Variants in TGFBR3 observed in about 807,000 individuals in gnomAD.
TGFBR3 encodes the protein transforming growth factor beta receptor type 3.
A neutral mutation model predicts 87.9 loss-of-function variants in TGFBR3; 46 were observed. The ratio of observed to expected loss-of-function variants is 0.52; its 90% CI spans 0.41 to 0.67. The LOEUF is 0.67. Among genes scored for constraint, TGFBR3 ranks in the 30% least tolerant of loss-of-function variants. TGFBR3 has a pLI of 0.00. For synonymous variants in TGFBR3, 381 were observed against 391.6 expected (o/e 0.97, Z 0.32); for missense variants, 866 against 1,041.9 (o/e 0.83, Z 2.32).
chr1:91,867,857 A>G (rs1400907218), intron 1 of TGFBR3, among the ~76,000 whole-genome samples: 1 of 152,214 alleles, frequency 6.6e-6, no homozygotes, highest in Non-Finnish European at 1.5e-5. Context: ...TTTTGATTAT[A>G]ATATAAGACA....
At chr1:91,885,469 C>A (rs1679261250) in intron 1 of TGFBR3, among the ~76,000 whole-genome samples, 1 of 152,330 alleles carries the variant, frequency 6.6e-6, no homozygotes, top group Non-Finnish European at 1.5e-5. Context: ...GAGCCACAGC[C>A]TGGGCCACGG....
chr1:91,792,530 G>T (rs1320953370), intron 3 of TGFBR3, among the ~76,000 whole-genome samples: 1 of 152,148 alleles, frequency 6.6e-6, no homozygotes, highest in African/African-American at 2.4e-5. Flanking sequence ...TAATAAGCAA[G>T]CAATTAGATA....
At chr1:91,714,527 T>A (rs528562602) in intron 12 of TGFBR3, among the ~76,000 whole-genome samples, 1 of 151,458 alleles carries the variant, frequency 6.6e-6, no homozygotes, top group Non-Finnish European at 1.5e-5. Context: ...TATGAAAAGG[T>A]ATAAATGGGA....
At chr1:91,793,805 CAAA>C (rs57943201) in intron 3 of TGFBR3, among the ~76,000 whole-genome samples, 3 of 99,050 alleles carry the variant, frequency 3.0e-5, no homozygotes, top group Middle Eastern at 4.7e-3. Flanking sequence ...GACTCTGTCT[CAAA>C]AAAAAAAAAA....
At chr1:91,894,400 C>T (rs1679511381) in intron 2 of TGFBR3, among the ~76,000 whole-genome samples, 1 of 152,138 alleles carries the variant, frequency 6.6e-6, no homozygotes, top group African/African-American at 2.4e-5. Context: ...ATCTATCCAC[C>T]TTACCCCTAT....
At chr1:91,701,384 C>T (rs284871) in intron 14 of TGFBR3, among the ~76,000 whole-genome samples, 142,176 of 152,126 alleles carry the variant, frequency 0.93, 66,541 homozygotes, top group Admixed American at 0.94. Context: ...CGGAACCCTA[C>T]CATCGAGTTG....
At chr1:91,830,639 C>A (rs1676821543) in intron 2 of TGFBR3, among the ~76,000 whole-genome samples, 1 of 152,126 alleles carries the variant, frequency 6.6e-6, no homozygotes, top group Admixed American at 6.5e-5. Context: ...TGAGGAGAAA[C>A]TCCCAAGAAA....
At chr1:91,873,960 A>G (rs1327518049) in intron 1 of TGFBR3, among the ~76,000 whole-genome samples, 1 of 152,128 alleles carries the variant, frequency 6.6e-6, no homozygotes, top group Admixed American at 6.5e-5. Flanking sequence ...AAAAAAAAAA[A>G]AAAGAAATCC....
intron 4 of TGFBR3, among the ~76,000 whole-genome samples, chr1:91,744,138 G>C (rs1673250981): frequency 6.8e-6 from 1 of 147,244 alleles, no homozygotes; most frequent in African/African-American, 2.5e-5. Context: ...AGGCTGGAGT[G>C]TAGTGGCACG....
In TGFBR3 at chr1:91,722,066, A is replaced by C; in HGVS notation, c.964T>G (p.Ser322Ala). 1 of 1,613,958 alleles carries C rather than the reference A, an allele frequency of 6.2e-7. No individual in the cohort carries two copies. Among genetic ancestry groups the C allele is most frequent in the Non-Finnish European group, 8.5e-7 (1 of 1,179,932 alleles). ...MTKSIRDDIP[S>A]TQGNLVKWAL... Reference sequence around the variant, plus strand: ...CACTTCACCAGATTCCCTTGGGTTGAAGGAATGTCATCTCTTATTGATTTG... The same window carrying C: ...CACTTCACCAGATTCCCTTGGGTTGCAGGAATGTCATCTCTTATTGATTTG... The change falls in exon 8 of 17, where the codon TCA (serine) becomes GCA (alanine). Residue 322 changes from serine to alanine, a missense_variant. Ser to Ala is a moderately conservative substitution (Grantham distance 99, BLOSUM62 1). Coordinates refer to ENST00000212355, the MANE Select transcript of TGFBR3 (RefSeq NM_003243.5).
At chr1:91,860,228 G>A (rs184783213) in intron 2 of TGFBR3, among the ~76,000 whole-genome samples, 2 of 152,286 alleles carry the variant, frequency 1.3e-5, no homozygotes, top group Admixed American at 1.3e-4. Flanking sequence ...GTGATTAAGT[G>A]AGCTCATTAA....
chr1:91,856,522 G>A (rs1277977514), intron 2 of TGFBR3, among the ~76,000 whole-genome samples: 2 of 151,988 alleles, frequency 1.3e-5, no homozygotes, highest in Non-Finnish European at 2.9e-5. Context: ...GCTGGAACAA[G>A]CAGGCTCCTA....
At chr1:91,806,060 G>A (rs879237517) in intron 2 of TGFBR3, among the ~76,000 whole-genome samples, 5 of 152,092 alleles carry the variant, frequency 3.3e-5, no homozygotes, top group South Asian at 2.1e-4. Context: ...TAAACTGCTC[G>A]GTTCACACGT....
chr1:91,824,874 C>T (rs1391344453), intron 2 of TGFBR3, among the ~76,000 whole-genome samples: 1 of 150,236 alleles, frequency 6.7e-6, no homozygotes, highest in East Asian at 1.9e-4. Flanking sequence ...GTAGGAGAAT[C>T]GCTTGAACAT....
chr1:91,775,287 C>T (rs892628997), intron 3 of TGFBR3, among the ~76,000 whole-genome samples: 4 of 152,210 alleles, frequency 2.6e-5, no homozygotes, highest in African/African-American at 7.2e-5. Flanking sequence ...CTTCTTACTC[C>T]GCAGGGCCCC....
chr1:91,798,201 G>C (rs1464646422), intron 2 of TGFBR3, among the ~76,000 whole-genome samples: 1 of 152,156 alleles, frequency 6.6e-6, no homozygotes, highest in Non-Finnish European at 1.5e-5. Flanking sequence ...CCTGAACGGA[G>C]TCTGAGGACT....
At chr1:91,758,361 G>A (rs1407081558) in intron 4 of TGFBR3, among the ~76,000 whole-genome samples, 1 of 152,046 alleles carries the variant, frequency 6.6e-6, no homozygotes, top group Non-Finnish European at 1.5e-5. Flanking sequence ...AGAGTATGAC[G>A]ACAGGTCCTG....
At chr1:91,903,338 CAAAAAAAAAAAAAAAA>C (rs58672104) in intron 1 of TGFBR3, among the ~76,000 whole-genome samples, 1 of 50,486 alleles carries the variant, frequency 2.0e-5, no homozygotes, top group Non-Finnish European at 3.5e-5. Flanking sequence ...GATTCTGCCT[CAAAAAAAAAAAAAAAA>C]AAAAAAAAAA....
intron 3 of TGFBR3, among the ~76,000 whole-genome samples, chr1:91,771,743 A>G (rs1674386538): frequency 1.3e-5 from 2 of 152,012 alleles, no homozygotes; most frequent in South Asian, 2.1e-4. Flanking sequence ...TGCAAATAAT[A>G]TATGAATACT....
Sources: gnomAD v4.1 joint callset for allele counts (sites outside exome capture counted in the v4.1 genomes callset) on GRCh38, gnomAD v4.1.1 for gene constraint, MANE v1.5 for transcripts, NCBI Gene and HGNC (gene_info 2026-07-23, HGNC 2026-07-21) for gene names.